The following NLGN4X variants were observed in gnomAD, a reference collection of about 807,000 sequenced individuals.
NLGN4X encodes neuroligin-4, X-linked.
Under a neutral mutation model 40.3 loss-of-function variants are expected in NLGN4X, and 3 were observed. The ratio of observed to expected loss-of-function variants is 0.07; its 90% CI spans 0.03 to 0.19. NLGN4X has a LOEUF of 0.19. Ranked by LOEUF, NLGN4X falls within the 10% of genes least tolerant of loss-of-function variation. The pLI, the probability that NLGN4X is intolerant of heterozygous loss-of-function variation, is 1.00. For synonymous variants in NLGN4X, 270 were observed against 306.8 expected (o/e 0.88, Z 1.25); for missense variants, 382 against 708.3 (o/e 0.54, Z 5.23).
intron 2 of NLGN4X, among the ~76,000 whole-genome samples, chrX:6,081,182 A>C: frequency 8.9e-6 from 1 of 111,743 alleles, no homozygotes; most frequent in Non-Finnish European, 1.9e-5. Flanking sequence ...AAGCTACTCC[A>C]GAGGCTGAGG....
intron 3 of NLGN4X, among the ~76,000 whole-genome samples, chrX:6,013,534 G>A (rs74664527): frequency 3.2e-5 from 2 of 62,140 alleles, no homozygotes; most frequent in Admixed American, 1.8e-4. Flanking sequence ...ACTAGGGAGA[G>A]AGAGGTAGTA....
intron 2 of NLGN4X, among the ~76,000 whole-genome samples, chrX:6,111,823 G>T (rs1428377479): frequency 9.0e-6 from 1 of 111,373 alleles, no homozygotes; most frequent in East Asian, 2.8e-4. Context: ...AGCCTCGACA[G>T]ACTAAAAAAT....
intron 1 of NLGN4X, among the ~76,000 whole-genome samples, chrX:6,159,612 C>A (rs1164076226): frequency 4.5e-5 from 5 of 111,856 alleles, no homozygotes; most frequent in Non-Finnish European, 7.5e-5. Context: ...GGGATCCTGC[C>A]AGCCATGGTA....
chrX:6,039,187 A>G (rs1374345908), intron 2 of NLGN4X, among the ~76,000 whole-genome samples: 1 of 111,435 alleles, frequency 9.0e-6, no homozygotes, highest in Admixed American at 9.6e-5. Context: ...GCTGTTTCCA[A>G]GACTGGGACT....
intron 2 of NLGN4X, among the ~76,000 whole-genome samples, chrX:6,111,901 A>C (rs1310885912): frequency 8.9e-6 from 1 of 111,892 alleles, no homozygotes; most frequent in African/African-American, 3.3e-5. Context: ...ATATTGTAAA[A>C]ATTTTTTAAA....
chrX:5,943,231 C>T (rs189559077), intron 3 of NLGN4X, among the ~76,000 whole-genome samples: 96 of 111,288 alleles, frequency 8.6e-4, no homozygotes, highest in African/African-American at 3.0e-3. Flanking sequence ...TCTCAAGAAG[C>T]CAAAATTTGC....
intron 2 of NLGN4X, among the ~76,000 whole-genome samples, chrX:6,033,981 C>T (rs1191615431): frequency 1.8e-5 from 2 of 112,450 alleles, no homozygotes; most frequent in African/African-American, 6.5e-5. Flanking sequence ...AAAATACTGT[C>T]ATCTCCAACA....
At chrX:6,197,240 A>C (rs1162371286) in intron 1 of NLGN4X, among the ~76,000 whole-genome samples, 1 of 110,633 alleles carries the variant, frequency 9.0e-6, no homozygotes, top group African/African-American at 3.3e-5. Flanking sequence ...TCCTGTATCA[A>C]AAAATGCAAT....
chrX:6,062,235 G>A (rs1008019535), intron 2 of NLGN4X, among the ~76,000 whole-genome samples: 4 of 110,875 alleles, frequency 3.6e-5, no homozygotes, highest in East Asian at 2.8e-4. Flanking sequence ...GACTTCCTTC[G>A]ATCTCCCACA....
intron 2 of NLGN4X, among the ~76,000 whole-genome samples, chrX:6,148,822 T>C (rs2040107035): frequency 2.7e-5 from 3 of 111,979 alleles, no homozygotes; most frequent in African/African-American, 9.7e-5. Context: ...CCTGCACTGG[T>C]TCTTCGTTGA....
intron 1 of NLGN4X, among the ~76,000 whole-genome samples, chrX:6,182,986 G>C (rs1921626556): frequency 1.8e-5 from 2 of 112,050 alleles, no homozygotes; most frequent in Non-Finnish European, 3.8e-5. Flanking sequence ...AAATGTGACT[G>C]CTCCTTCTGG....
In NLGN4X at chrX:5,914,785, T is replaced by C. The variant is rs545191521; in HGVS notation, c.626-5546A>G. ...GAGAATAAACAGAATTTGTGTTAGA[T>C]CATGCAAATGAGGTCAAAAAGAAAT... On this transcript the variant is annotated intron_variant, in intron 3 of 5. Transcript: ENST00000381095. Among the ~76,000 whole-genome samples, 45 of 111,816 alleles carry C rather than the reference T, an allele frequency of 4.0e-4. 1 individual carries two copies. In the South Asian group the frequency reaches 0.016, roughly 41 times the overall value.
intron 1 of NLGN4X, among the ~76,000 whole-genome samples, chrX:6,174,798 G>T (rs1569281478): frequency 9.0e-6 from 1 of 111,503 alleles, no homozygotes; most frequent in Non-Finnish European, 1.9e-5. Flanking sequence ...AATGGGAAGT[G>T]AGTAGGGTGA....
intron 3 of NLGN4X, among the ~76,000 whole-genome samples, chrX:5,976,912 G>C (rs1316592781): frequency 8.9e-6 from 1 of 112,582 alleles, no homozygotes; most frequent in African/African-American, 3.2e-5. Flanking sequence ...TTTCCCACTT[G>C]CTCGTGGTAT....
chrX:6,199,048 G>C (rs1311791223), intron 1 of NLGN4X, among the ~76,000 whole-genome samples: 2 of 111,633 alleles, frequency 1.8e-5, no homozygotes, highest in Admixed American at 9.5e-5. Flanking sequence ...ATTTAATTTT[G>C]GTAGATTTCT....
intron 5 of NLGN4X, 114 bp downstream of exon 5, chrX:5,902,963 T>C: frequency 1.2e-6 from 1 of 815,248 alleles, no homozygotes; most frequent in Non-Finnish European, 1.8e-6. Context: ...TGCATGCATG[T>C]GTATGTGTGT....
intron 3 of NLGN4X, among the ~76,000 whole-genome samples, chrX:5,944,283 C>T (rs756056204): frequency 5.4e-5 from 6 of 111,041 alleles, no homozygotes; most frequent in Non-Finnish European, 1.1e-4. Flanking sequence ...TGCCCTATCA[C>T]TGACATTCAG....
intron 3 of NLGN4X, among the ~76,000 whole-genome samples, chrX:6,025,521 A>C (rs928151135): frequency 4.5e-5 from 5 of 112,236 alleles, no homozygotes; most frequent in African/African-American, 1.6e-4. Context: ...TATTAATAAC[A>C]CTAGAAATTG....
chrX:5,901,868 A>G (rs962712286), intron 5 of NLGN4X, among the ~76,000 whole-genome samples: 1 of 107,456 alleles, frequency 9.3e-6, no homozygotes, highest in Admixed American at 1.0e-4. Flanking sequence ...ATTTGTGTGT[A>G]TATATATACA....
Sources: allele counts gnomAD v4.1 joint callset (sites outside exome capture counted in the v4.1 genomes callset), GRCh38; gene constraint gnomAD v4.1.1; transcripts MANE v1.5; gene names NCBI Gene and HGNC (gene_info 2026-07-23, HGNC 2026-07-21).